XYLT1: variants seen among roughly 807,000 people sequenced by gnomAD.
XYLT1 encodes xylosyltransferase 1.
XYLT1 carries 36 observed loss-of-function variants against 91.3 expected under a neutral mutation model. The observed-to-expected ratio is 0.39, with a 90% CI of 0.30 to 0.52. The LOEUF (loss-of-function observed/expected upper bound fraction) is 0.52, where lower values mean the gene tolerates loss of function less well. Ranked by LOEUF, XYLT1 falls within the 20% of genes least tolerant of loss-of-function variation. XYLT1 has a pLI of 0.68. For synonymous variants in XYLT1, 588 were observed against 532.0 expected (o/e 1.11, Z -1.45); for missense variants, 1,242 against 1,284.5 (o/e 0.97, Z 0.51).
At chr16:17,463,381 C>T (rs1426223200) in intron 1 of XYLT1, among the ~76,000 whole-genome samples, 2 of 152,112 alleles carry the variant, frequency 1.3e-5, no homozygotes, top group African/African-American at 4.8e-5. Flanking sequence ...AGCAAAAAAA[C>T]AAGTAGTCCA....
In XYLT1 at chr16:17,217,101, C is replaced by T. The variant is rs74010744; in HGVS notation, c.914-16447G>A. Among the ~76,000 whole-genome samples, 347 of 152,298 alleles carry T rather than the reference C, an allele frequency of 2.3e-3. 3 individuals are homozygous for T. Among genetic ancestry groups the T allele is most frequent in the African/African-American group, 7.1e-3 (294 of 41,572 alleles). On this transcript the variant is annotated intron_variant, in intron 3 of 11. Coordinates refer to ENST00000261381, the MANE Select transcript of XYLT1 (RefSeq NM_022166.4). ...CAGGGTTCACAACAGTGGGTAACAA[C>T]GAGCACCTCAAATGCACTGGGATCT...
intron 6 of XYLT1, among the ~76,000 whole-genome samples, chr16:17,150,718 ATAAG>A (rs1168827689): frequency 3.3e-5 from 5 of 152,210 alleles, no homozygotes; most frequent in Non-Finnish European, 7.3e-5. Context: ...CAAGGTTCTA[ATAAG>A]TAAGTAGACA....
At chr16:17,225,826 C>T (rs184024120) in intron 3 of XYLT1, among the ~76,000 whole-genome samples, 3 of 152,260 alleles carry the variant, frequency 2.0e-5, no homozygotes, top group Admixed American at 1.3e-4. Flanking sequence ...CATTCTACGA[C>T]CAAAGTTCAA....
chr16:17,223,284 G>A (rs779733600), intron 3 of XYLT1, among the ~76,000 whole-genome samples: 3 of 152,206 alleles, frequency 2.0e-5, no homozygotes, highest in African/African-American at 4.8e-5. Flanking sequence ...ACAGAGCCAC[G>A]TGGTCACATG....
chr16:17,149,000 C>T (rs1470305535), intron 6 of XYLT1, among the ~76,000 whole-genome samples: 3 of 152,210 alleles, frequency 2.0e-5, no homozygotes, highest in African/African-American at 7.2e-5. Context: ...GATATTTTTA[C>T]CTATTAGCAC....
chr16:17,335,684 A>T (rs985727089), intron 2 of XYLT1, among the ~76,000 whole-genome samples: 22 of 137,354 alleles, frequency 1.6e-4, no homozygotes, highest in Admixed American at 1.5e-3. Flanking sequence ...ACGAGAGCAA[A>T]ACTCCATCTC....
At chr16:17,365,147 C>T (rs763839885) in intron 1 of XYLT1, among the ~76,000 whole-genome samples, 1 of 152,210 alleles carries the variant, frequency 6.6e-6, no homozygotes, top group Non-Finnish European at 1.5e-5. Flanking sequence ...GTGTTCCCTT[C>T]TCCCCACTTT....
intron 1 of XYLT1, among the ~76,000 whole-genome samples, chr16:17,396,596 C>T (rs946343475): frequency 2.1e-4 from 32 of 152,122 alleles, no homozygotes; most frequent in Admixed American, 2.1e-3. Context: ...CTAGGCTGGG[C>T]GCGGTGGCTC....
At chr16:17,233,941 C>G (rs1052436807) in intron 3 of XYLT1, among the ~76,000 whole-genome samples, 1 of 152,166 alleles carries the variant, frequency 6.6e-6, no homozygotes, top group Non-Finnish European at 1.5e-5. Context: ...CATCTTGGCT[C>G]TGATTTTGCG....
chr16:17,465,556 T>TTGG (rs1491299976), intron 1 of XYLT1, among the ~76,000 whole-genome samples: 1 of 101,230 alleles, frequency 9.9e-6, no homozygotes, highest in Non-Finnish European at 2.4e-5. Flanking sequence ...TGTTTTTTTT[T>TTGG]GGGGGGGGGG....
At chr16:17,451,170 T>C (rs138204670) in intron 1 of XYLT1, among the ~76,000 whole-genome samples, 47 of 152,228 alleles carry the variant, frequency 3.1e-4, no homozygotes, top group African/African-American at 1.1e-3. Flanking sequence ...CTTTTCTAGG[T>C]TTTTAATAAA....
At chr16:17,198,499 T>A (rs1341565910) in intron 4 of XYLT1, 85 bp from the exon 5 acceptor site, 16 of 1,394,424 alleles carry the variant, frequency 1.1e-5, no homozygotes, top group Non-Finnish European at 1.6e-5. Context: ...CCTCTCTGTG[T>A]CTTCCCTCCT....
chr16:17,256,999 AC>A (rs1485033105), intron 3 of XYLT1, among the ~76,000 whole-genome samples: 1 of 152,028 alleles, frequency 6.6e-6, no homozygotes, highest in Non-Finnish European at 1.5e-5. Context: ...CATGCCCCCA[AC>A]CCCATCGGAG....
chr16:17,354,886 C>CT, intron 2 of XYLT1: 1 of 152,240 alleles, frequency 6.6e-6, no homozygotes. Flanking sequence ...AAAGTCAGAT[C>CT]TGGCCACGGG....
chr16:17,358,429 G>A (rs910291912), intron 1 of XYLT1, among the ~76,000 whole-genome samples: 4 of 152,000 alleles, frequency 2.6e-5, no homozygotes, highest in South Asian at 4.2e-4. Context: ...GAGCCACCAC[G>A]CCAAGCTCCC....
intron 1 of XYLT1, among the ~76,000 whole-genome samples, chr16:17,457,761 A>G (rs938215648): frequency 2.0e-5 from 3 of 152,236 alleles, no homozygotes; most frequent in African/African-American, 7.2e-5. Context: ...AGGATAAAAG[A>G]AAGTGCAAAA....
At chr16:17,338,301 T>A (rs943602885) in intron 2 of XYLT1, 1 of 456,476 alleles carries the variant, frequency 2.2e-6, no homozygotes, top group Middle Eastern at 3.3e-4. Flanking sequence ...TGGCTCCCCA[T>A]TACCTACACG....
At chr16:17,306,189 T>C (rs1323099442) in intron 2 of XYLT1, among the ~76,000 whole-genome samples, 1 of 152,124 alleles carries the variant, frequency 6.6e-6, no homozygotes, top group Non-Finnish European at 1.5e-5. Flanking sequence ...AGTCTGTGTG[T>C]ACTCAGATTG....
At chr16:17,198,132 T>A (rs2032466672) in intron 5 of XYLT1, 80 bp downstream of exon 5, 15 of 1,478,314 alleles carry the variant, frequency 1.0e-5, no homozygotes, top group Non-Finnish European at 1.4e-5. Context: ...TCAGTCTCCT[T>A]CTGCCTCGTG....
Sources: gnomAD v4.1 joint callset for allele counts (sites outside exome capture counted in the v4.1 genomes callset) on GRCh38, gnomAD v4.1.1 for gene constraint, MANE v1.5 for transcripts, NCBI Gene and HGNC (gene_info 2026-07-23, HGNC 2026-07-21) for gene names.